Variants in BUB3 observed in about 807,000 individuals in gnomAD.
The protein encoded by BUB3 is BUB3 mitotic checkpoint protein, also known as mitotic checkpoint protein BUB3.
A neutral mutation model predicts 39.9 loss-of-function variants in BUB3; 22 were observed. The observed-to-expected ratio is 0.55, with a 90% CI of 0.39 to 0.79. BUB3 has a LOEUF of 0.79. Ranked by LOEUF, BUB3 falls within the 30% of genes least tolerant of loss-of-function variation. The probability of loss-of-function intolerance (pLI) is 0.00; values close to 1 mark genes in which losing one functional copy is unlikely to be tolerated. For synonymous variants in BUB3, 168 were observed against 155.1 expected (o/e 1.08, Z -0.62); for missense variants, 303 against 415.4 (o/e 0.73, Z 2.35).
chr10:123,166,587 A>T lies in BUB3; in HGVS notation c.*2752A>T, dbSNP rs980898057. On this transcript the variant is annotated 3_prime_UTR_variant, in exon 8 of 8. Coordinates refer to ENST00000368865, the MANE Select transcript of BUB3 (RefSeq NM_004725.4). ...TCTAAAAAATTTCTAAAAGATTTTT[A>T]AAAAATGTATTCTGATGTCATACTT... 2.0e-5 allele frequency: 3 copies of T among 152,234 alleles called. No individual in the cohort carries two copies. The highest frequency in any genetic ancestry group is 4.4e-5 in the Non-Finnish European group (3 of 68,038). The allele number at this position is 152,234 out of a possible 1,614,324, so 9.4% of individuals were successfully genotyped here. A position where few individuals can be genotyped will look rare whatever the true frequency, so the allele number is the denominator to read the frequency against.
intron 2 of BUB3, 44 bp downstream of exon 2, chr10:123,155,156 C>T (rs1387736588): frequency 6.3e-7 from 1 of 1,583,056 alleles, no homozygotes; most frequent in Non-Finnish European, 8.6e-7. Context: ...ACTGTGTTAA[C>T]GATTCTCCAC....
At chr10:123,158,763 T>A (rs753763703) in intron 4 of BUB3, among the ~76,000 whole-genome samples, 6 of 152,238 alleles carry the variant, frequency 3.9e-5, no homozygotes, top group Non-Finnish European at 8.8e-5. Context: ...TGTTAAGAAC[T>A]GTGATAAATT....
rs1844405775 is a variant in BUB3 at position 123,160,397 on chromosome 10, T to G, written c.418-10T>G. 2 of 1,511,516 alleles carry G rather than the reference T, an allele frequency of 1.3e-6. No individual in the cohort carries two copies. Among genetic ancestry groups the G allele is most frequent in the African/African-American group, 2.8e-5 (2 of 70,846 alleles). The allele number at this position is 1,511,516 out of a possible 1,614,324, so 93.6% of individuals were successfully genotyped here. On this transcript the variant is annotated splice_polypyrimidine_tract_variant and intron_variant, in intron 4 of 7. Coordinates refer to ENST00000368865, the MANE Select transcript of BUB3 (RefSeq NM_004725.4). ...GGTGATTTTTAGCAAGTTTTGATCT[T>G]TTTTAAAAGGTATATACCCTCTCAG...
In BUB3 at chr10:123,167,673, A is replaced by G. The variant is rs1057421752; in HGVS notation, c.*3838A>G. ...CTTTGGCTTTGTTCATTAAGCATTTAGTGTCTTAGAAGTGATATGTTTACT... is the reference window on the plus strand; with the variant it reads ...CTTTGGCTTTGTTCATTAAGCATTTGGTGTCTTAGAAGTGATATGTTTACT... On this transcript the variant is annotated 3_prime_UTR_variant, in exon 8 of 8. Transcript: ENST00000368865. 2 of 152,320 alleles carry G rather than the reference A, an allele frequency of 1.3e-5. No individual in the cohort carries two copies. Among genetic ancestry groups the G allele is most frequent in the Admixed American group, 1.3e-4 (2 of 15,302 alleles). The allele number at this position is 152,320 out of a possible 1,614,324, so 9.4% of individuals were successfully genotyped here. A position where few individuals can be genotyped will look rare whatever the true frequency, so the allele number is the denominator to read the frequency against.
rs969031525 is a variant in BUB3 at position 123,165,282 on chromosome 10, G to C, written c.*1447G>C. On this transcript the variant is annotated 3_prime_UTR_variant, in exon 8 of 8. Transcript: ENST00000368865. ...CTGTCCCCTAGTAAGCCCAGTTGCT[G>C]TATCTGAACAGTTTGAGCTCTTTTT... The C allele has an allele frequency of 2.1e-6, 1 of 474,706 alleles. No homozygotes were observed. The highest frequency in any genetic ancestry group is 3.7e-6 in the Non-Finnish European group (1 of 268,350). The allele number at this position is 474,706 out of a possible 1,614,324, so 29.4% of individuals were successfully genotyped here. A position where few individuals can be genotyped will look rare whatever the true frequency, so the allele number is the denominator to read the frequency against.
At chr10:123,154,727 G>C in intron 1 of BUB3, 191 bp from the exon 2 acceptor site, 1 of 608,980 alleles carries the variant, frequency 1.6e-6, no homozygotes. Flanking sequence ...GGCCGGTTTG[G>C]GCGCGGCGGG....
chr10:123,165,169 T>TGTAAG lies in BUB3; in HGVS notation c.*1334_*1335insGTAAG. 7.8e-7 allele frequency: 1 copy of TGTAAG among 1,289,210 alleles called. No homozygotes were observed. The highest frequency in any genetic ancestry group is 1.1e-6 in the Non-Finnish European group (1 of 899,552). The allele number at this position is 1,289,210 out of a possible 1,614,324, so 79.9% of individuals were successfully genotyped here. Reference sequence around the variant, plus strand: ...CTGTGGATTTCTCTGTTTTCTGTCTTACAAGAAACTTGTCTATGTACCTTA... The same window carrying TGTAAG: ...CTGTGGATTTCTCTGTTTTCTGTCTTGTAAGACAAGAAACTTGTCTATGTACCTTA... On this transcript the variant is annotated 3_prime_UTR_variant, in exon 8 of 8. Transcript: ENST00000368865.
Position 123,165,244 on chromosome 10 carries a change from C to G in BUB3, c.*1409C>G. On this transcript the variant is annotated 3_prime_UTR_variant, in exon 8 of 8. Transcript: ENST00000368865. ...TTTGTGTCCCTGTACAGTAGTCTGA[C>G]GTATTTCCCCTTCTGTCCCCTAGTA... The G allele has an allele frequency of 1.7e-6, 1 of 572,678 alleles. No homozygotes were observed. The highest frequency in any genetic ancestry group is 2.9e-6 in the Non-Finnish European group (1 of 339,532). The allele number at this position is 572,678 out of a possible 1,614,324, so 35.5% of individuals were successfully genotyped here.
chr10:123,164,754 A>G lies in BUB3; in HGVS notation c.*919A>G. 8.8e-7 allele frequency: 1 copy of G among 1,132,194 alleles called. No individual in the cohort carries two copies. The allele number at this position is 1,132,194 out of a possible 1,614,324, so 70.1% of individuals were successfully genotyped here. A position where few individuals can be genotyped will look rare whatever the true frequency, so the allele number is the denominator to read the frequency against. ...TTAAAGTTAAAAAGAAAAAAATTATAGTGAGAATGAGATTCATTTCAATGT... is the reference window on the plus strand; with the variant it reads ...TTAAAGTTAAAAAGAAAAAAATTATGGTGAGAATGAGATTCATTTCAATGT... On this transcript the variant is annotated 3_prime_UTR_variant, in exon 8 of 8. Transcript: ENST00000368865.
At chr10:123,157,999 A>G (rs545060918) in intron 4 of BUB3, 119 bp downstream of exon 4, 5 of 1,099,342 alleles carry the variant, frequency 4.5e-6, no homozygotes, top group Admixed American at 3.3e-5. Flanking sequence ...GGGGGAAAAA[A>G]GGTTGACAGT....
Position 123,168,184 on chromosome 10 carries a change from C to T in BUB3, c.*4349C>T, listed in dbSNP as rs1012351225. 3.3e-5 allele frequency: 5 copies of T among 152,236 alleles called. No individual in the cohort carries two copies. Among genetic ancestry groups the T allele is most frequent in the African/African-American group, 1.2e-4 (5 of 41,464 alleles). The allele number at this position is 152,236 out of a possible 1,614,324, so 9.4% of individuals were successfully genotyped here. On this transcript the variant is annotated 3_prime_UTR_variant, in exon 8 of 8. Coordinates refer to ENST00000368865, the MANE Select transcript of BUB3 (RefSeq NM_004725.4). ...TTCATTATTACTAAGATAGCCACCACACTGTATGTCAGGGCTCCAGAACTT... is the reference window on the plus strand; with the variant it reads ...TTCATTATTACTAAGATAGCCACCATACTGTATGTCAGGGCTCCAGAACTT...
chr10:123,163,902 T>C lies in BUB3; in HGVS notation c.*67T>C. 1.3e-6 allele frequency: 2 copies of C among 1,487,122 alleles called. No individual in the cohort carries two copies. Among genetic ancestry groups the C allele is most frequent in the Non-Finnish European group, 1.8e-6 (2 of 1,101,884 alleles). 92.1% of individuals were successfully genotyped at this position (1,487,122 alleles called of 1,614,324 possible). A position where few individuals can be genotyped will look rare whatever the true frequency, so the allele number is the denominator to read the frequency against. ...ACAATTCGTACTCCCCAATGGTGGATTTATTACTATTAAAGAAACCAGGGA... is the reference window on the plus strand; with the variant it reads ...ACAATTCGTACTCCCCAATGGTGGACTTATTACTATTAAAGAAACCAGGGA... On this transcript the variant is annotated 3_prime_UTR_variant, in exon 8 of 8. Coordinates refer to ENST00000368865, the MANE Select transcript of BUB3 (RefSeq NM_004725.4).
chr10:123,155,815 G>A (rs2037279880), intron 3 of BUB3, 88 bp downstream of exon 3: 1 of 1,271,384 alleles, frequency 7.9e-7, no homozygotes, highest in East Asian at 2.4e-5. Context: ...TTCCTAAATT[G>A]CTTAGTTACT....
intron 5 of BUB3, 76 bp downstream of exon 5, chr10:123,160,641 GC>G (rs1201644582): frequency 7.9e-7 from 1 of 1,259,702 alleles, no homozygotes; most frequent in Admixed American, 2.9e-5. Context: ...TTGGCCACTA[GC>G]CCCTAAAGCC....
chr10:123,160,875 A>G (rs1776461487), intron 5 of BUB3, among the ~76,000 whole-genome samples: 1 of 152,214 alleles, frequency 6.6e-6, no homozygotes, highest in African/African-American at 2.4e-5. Flanking sequence ...GTATACAGTA[A>G]TCAAAGAGCG....
At chr10:123,155,198 G>A in intron 2 of BUB3, 86 bp downstream of exon 2, 4 of 1,436,422 alleles carry the variant, frequency 2.8e-6, no homozygotes, top group Admixed American at 4.7e-5. Context: ...GTGTTGGGTA[G>A]AGGCGTCTGT....
At chr10:123,160,666 T>C in intron 5 of BUB3, 101 bp downstream of exon 5, 2 of 1,111,808 alleles carry the variant, frequency 1.8e-6, no homozygotes, top group South Asian at 2.3e-5. Context: ...TTTTTTTTTT[T>C]CAGTAGTGAT....
In BUB3 at chr10:123,164,593, C is replaced by T; in HGVS notation, c.*758C>T. ...TGGAAAAATAATTGTAACGTAATTG[C>T]AGTGCATTTAGACAGGCATCTATTT... is the stretch of plus-strand genomic sequence containing the variant. On this transcript the variant is annotated 3_prime_UTR_variant, in exon 8 of 8. Coordinates refer to ENST00000368865, the MANE Select transcript of BUB3 (RefSeq NM_004725.4). 1.0e-6 allele frequency: 1 copy of T among 988,112 alleles called. No individual in the cohort carries two copies. Among genetic ancestry groups the T allele is most frequent in the Non-Finnish European group, 1.2e-6 (1 of 831,788 alleles). 61.2% of individuals were successfully genotyped at this position (988,112 alleles called of 1,614,324 possible).
At chr10:123,157,987 T>G in intron 4 of BUB3, 107 bp downstream of exon 4, 4 of 1,219,224 alleles carry the variant, frequency 3.3e-6, no homozygotes, top group Non-Finnish European at 4.4e-6. Context: ...AAAGTCAACA[T>G]GGGGGGAAAA....
Sources: gnomAD v4.1 joint callset for allele counts (sites outside exome capture counted in the v4.1 genomes callset) on GRCh38, gnomAD v4.1.1 for gene constraint, MANE v1.5 for transcripts, NCBI Gene and HGNC (gene_info 2026-07-23, HGNC 2026-07-21) for gene names.